Variants in ZNF385D observed in about 807,000 individuals in gnomAD.
ZNF385D encodes the protein zinc finger protein 385D, also known as zinc finger protein 659.
In ZNF385D, 15 loss-of-function variants were observed where a neutral mutation model predicts 35.8. The observed-to-expected ratio is 0.42, with a 90% confidence interval of 0.28 to 0.64. The LOEUF (loss-of-function observed/expected upper bound fraction) is 0.64. Ranked by LOEUF, ZNF385D falls within the 30% of genes least tolerant of loss-of-function variation. ZNF385D has a pLI of 0.23. For synonymous variants in ZNF385D, 212 were observed against 186.8 expected (o/e 1.13, Z -1.10); for missense variants, 474 against 494.6 (o/e 0.96, Z 0.39).
chr3:22,343,704 A>T (rs971025880), intron 2 of ZNF385D, among the ~76,000 whole-genome samples: 9 of 152,192 alleles, frequency 5.9e-5, no homozygotes, highest in African/African-American at 1.9e-4. Flanking sequence ...TTCCATCCTG[A>T]TTAAGCCTAC....
intron 2 of ZNF385D, among the ~76,000 whole-genome samples, chr3:21,648,320 C>T (rs1167156303): frequency 1.3e-5 from 2 of 152,168 alleles, no homozygotes; most frequent in African/African-American, 4.8e-5. Flanking sequence ...TCCTCTTCGC[C>T]TTCTGCCATG....
intron 4 of ZNF385D, among the ~76,000 whole-genome samples, chr3:21,439,486 G>A (rs1184856474): frequency 1.3e-5 from 2 of 151,876 alleles, no homozygotes; most frequent in East Asian, 1.9e-4. Flanking sequence ...TGAAGCCAGC[G>A]TGACACTGTG....
intron 2 of ZNF385D, among the ~76,000 whole-genome samples, chr3:21,620,986 ATG>A (rs755146147): frequency 2.0e-5 from 3 of 151,458 alleles, no homozygotes; most frequent in South Asian, 4.2e-4. Flanking sequence ...AGGCATGCAC[ATG>A]TGTGTGTGCG....
intron 2 of ZNF385D, among the ~76,000 whole-genome samples, chr3:21,628,600 G>A (rs1376780767): frequency 6.6e-6 from 1 of 152,092 alleles, no homozygotes; most frequent in Non-Finnish European, 1.5e-5. Context: ...AAGTGAGTTT[G>A]TCAATTGTTG....
intron 3 of ZNF385D, among the ~76,000 whole-genome samples, chr3:22,119,868 G>T (rs753964735): frequency 5.9e-5 from 9 of 151,928 alleles, no homozygotes; most frequent in Non-Finnish European, 1.3e-4. Flanking sequence ...CATTTTTTGA[G>T]ACAGGATCTC....
chr3:22,065,069 A>T (rs187004720), intron 3 of ZNF385D, among the ~76,000 whole-genome samples: 2 of 152,326 alleles, frequency 1.3e-5, no homozygotes, highest in East Asian at 1.9e-4. Flanking sequence ...ATAAGTCCTT[A>T]AACAAATTAG....
intron 3 of ZNF385D, among the ~76,000 whole-genome samples, chr3:21,778,400 G>A (rs73040908): frequency 5.9e-5 from 9 of 152,020 alleles, no homozygotes; most frequent in Non-Finnish European, 1.2e-4. Context: ...GAGCCTGAGC[G>A]AAAGGTGGCA....
intron 3 of ZNF385D, among the ~76,000 whole-genome samples, chr3:22,007,238 A>G (rs1281771281): frequency 6.6e-6 from 1 of 152,202 alleles, no homozygotes; most frequent in African/African-American, 2.4e-5. Context: ...TTTTGTAAAA[A>G]TAAGCAATGC....
Position 22,045,495 on chromosome 3 carries a change from C to A in ZNF385D, c.325+123322G>T, listed in dbSNP as rs112237326. On this transcript the variant is annotated intron_variant, in intron 3 of 5. Coordinates refer to the ZNF385D transcript ENST00000494108. Reference sequence around the variant, plus strand: ...AGGAAGAGAGTCCTATAAGCTCCCACTTCTCTTTTAATTTCTACCCCATTT... The same window carrying A: ...AGGAAGAGAGTCCTATAAGCTCCCAATTCTCTTTTAATTTCTACCCCATTT... Among the ~76,000 whole-genome samples the A allele has an allele frequency of 7.6e-3, 1,161 of 152,174 alleles. 22 individuals are homozygous for A. Among genetic ancestry groups the A allele is most frequent in the African/African-American group, 0.026 (1,083 of 41,532 alleles).
chr3:21,490,192 G>T (rs1246234010), intron 4 of ZNF385D, among the ~76,000 whole-genome samples: 1 of 151,898 alleles, frequency 6.6e-6, no homozygotes, highest in Non-Finnish European at 1.5e-5. Context: ...GAGCTGAGGT[G>T]TCTAACTCTG....
intron 2 of ZNF385D, among the ~76,000 whole-genome samples, chr3:22,290,304 G>A (rs986962824): frequency 6.6e-6 from 1 of 152,106 alleles, no homozygotes; most frequent in Non-Finnish European, 1.5e-5. Flanking sequence ...GCTCTCCTCA[G>A]ACCACACCAC....
At chr3:21,806,673 T>A (rs1420787881) in intron 3 of ZNF385D, among the ~76,000 whole-genome samples, 1 of 152,284 alleles carries the variant, frequency 6.6e-6, no homozygotes, top group African/African-American at 2.4e-5. Context: ...AAAACATATG[T>A]TATATAGTAA....
At chr3:22,092,605 T>G (rs1016772571) in intron 3 of ZNF385D, among the ~76,000 whole-genome samples, 2 of 152,148 alleles carry the variant, frequency 1.3e-5, no homozygotes, top group Non-Finnish European at 2.9e-5. Flanking sequence ...TTCCAGACCC[T>G]CTTGCTTCTA....
At chr3:22,128,232 AT>A (rs1703557831) in intron 3 of ZNF385D, among the ~76,000 whole-genome samples, 2 of 152,302 alleles carry the variant, frequency 1.3e-5, no homozygotes, top group East Asian at 3.9e-4. Context: ...TAAGGTTTGC[AT>A]TGAGAAATCT....
chr3:22,041,311 G>C (rs1698650195), intron 3 of ZNF385D, among the ~76,000 whole-genome samples: 1 of 152,060 alleles, frequency 6.6e-6, no homozygotes, highest in Admixed American at 6.6e-5. Context: ...ATAGTACTCT[G>C]ATTGGCAAGG....
At chr3:22,086,004 A>C (rs2620545) in intron 3 of ZNF385D, among the ~76,000 whole-genome samples, 94,332 of 152,034 alleles carry the variant, frequency 0.62, 29,864 homozygotes, top group Non-Finnish European at 0.68. Flanking sequence ...ATTCAACAAC[A>C]CTTCATGCTA....
intron 3 of ZNF385D, among the ~76,000 whole-genome samples, chr3:22,107,288 G>A (rs1362918143): frequency 6.6e-6 from 1 of 151,958 alleles, no homozygotes; most frequent in African/African-American, 2.4e-5. Flanking sequence ...CTCCCAAAGT[G>A]CTGGGATTAC....
intron 2 of ZNF385D, among the ~76,000 whole-genome samples, chr3:22,170,951 A>G (rs889144156): frequency 6.6e-6 from 1 of 152,218 alleles, no homozygotes; most frequent in African/African-American, 2.4e-5. Context: ...AACCAAAAAT[A>G]AGATGTAAAT....
At chr3:21,499,914 G>T (rs1257701468) in intron 4 of ZNF385D, among the ~76,000 whole-genome samples, 7 of 152,146 alleles carry the variant, frequency 4.6e-5, no homozygotes, top group African/African-American at 9.7e-5. Context: ...GGATTAATAT[G>T]CTTTCTGCCC....
Sources: gnomAD v4.1 joint callset for allele counts (sites outside exome capture counted in the v4.1 genomes callset) on GRCh38, gnomAD v4.1.1 for gene constraint, MANE v1.5 for transcripts, NCBI Gene and HGNC (gene_info 2026-07-23, HGNC 2026-07-21) for gene names.